Variants in PTBP3 observed in about 807,000 individuals in gnomAD.
The protein encoded by PTBP3 is polypyrimidine tract-binding protein 3.
A neutral mutation model predicts 58.7 loss-of-function variants in PTBP3; 20 were observed. That is an observed-to-expected ratio of 0.34 (90% CI 0.24 to 0.50). PTBP3 has a LOEUF of 0.50. Ranked by LOEUF, PTBP3 falls within the 20% of genes least tolerant of loss-of-function variation. The pLI is 0.98. For synonymous variants in PTBP3, 185 were observed against 219.8 expected, an observed-to-expected ratio of 0.84 and a Z score of 1.40; for missense variants, 509 against 637.2, an observed-to-expected ratio of 0.80 and a Z score of 2.17.
intron 2 of PTBP3, among the ~76,000 whole-genome samples, chr9:112,290,049 T>C (rs1828312254): frequency 6.6e-6 from 1 of 152,118 alleles, no homozygotes. Context: ...ATGGTAGCCA[T>C]TAAGGGAAAA....
intron 2 of PTBP3, among the ~76,000 whole-genome samples, chr9:112,292,549 T>C (rs1191388592): frequency 6.6e-6 from 1 of 152,142 alleles, no homozygotes; most frequent in Non-Finnish European, 1.5e-5. Flanking sequence ...CATGGACAGA[T>C]GAATGGATAA....
the PTBP3 span, among the ~76,000 whole-genome samples, chr9:112,341,201 G>A: frequency 6.6e-6 from 1 of 151,872 alleles, no homozygotes; most frequent in Non-Finnish European, 1.5e-5. Flanking sequence ...GTGTGAGCTC[G>A]GCCCACTGCA....
chr9:112,227,659 A>C, intron 11 of PTBP3, 32 bp from the exon 12 acceptor site: 2 of 1,512,514 alleles, frequency 1.3e-6, no homozygotes, highest in Non-Finnish European at 1.8e-6. Flanking sequence ...TTAAAGTTTG[A>C]GTATTAGGAT....
chr9:112,331,593 G>C (rs1387324455), intron 1 of PTBP3, among the ~76,000 whole-genome samples: 1 of 152,156 alleles, frequency 6.6e-6, no homozygotes, highest in East Asian at 1.9e-4. Context: ...AATGTGATAA[G>C]TAACTGGACG....
intron 3 of PTBP3, among the ~76,000 whole-genome samples, chr9:112,275,378 G>A (rs1489568761): frequency 2.0e-5 from 3 of 151,852 alleles, no homozygotes; most frequent in African/African-American, 4.8e-5. Flanking sequence ...CAGGTGATCC[G>A]CCCACCTCGG....
chr9:112,289,161 G>A (rs1828267698), intron 2 of PTBP3, among the ~76,000 whole-genome samples: 1 of 152,174 alleles, frequency 6.6e-6, no homozygotes, highest in Non-Finnish European at 1.5e-5. Flanking sequence ...GTCTTTATAA[G>A]GAGGGGGTAT....
At chr9:112,280,794 T>G (rs1434597739) in intron 2 of PTBP3, among the ~76,000 whole-genome samples, 3 of 151,996 alleles carry the variant, frequency 2.0e-5, no homozygotes, top group Admixed American at 6.6e-5. Context: ...TGCATATATA[T>G]ATATATAGTG....
chr9:112,353,699 A>C, the PTBP3 span, among the ~76,000 whole-genome samples: 5 of 151,882 alleles, frequency 3.3e-5, no homozygotes, highest in Non-Finnish European at 7.4e-5. Context: ...AATAAATATA[A>C]TATAGATGCT....
intron 2 of PTBP3, among the ~76,000 whole-genome samples, chr9:112,281,677 T>C (rs1403423153): frequency 2.0e-5 from 3 of 152,236 alleles, no homozygotes; most frequent in African/African-American, 7.2e-5. Flanking sequence ...TAAAGCCATA[T>C]GGGACTGTAG....
Position 112,223,725 on chromosome 9 carries a change from A to T in PTBP3, c.*126T>A. 7.3e-7 allele frequency: 1 copy of T among 1,366,660 alleles called. No homozygotes were observed. Among genetic ancestry groups the T allele is most frequent in the South Asian group, 1.7e-5 (1 of 57,270 alleles). The allele number at this position is 1,366,660 out of a possible 1,614,324, so 84.7% of individuals were successfully genotyped here. On this transcript the variant is annotated 3_prime_UTR_variant, in exon 14 of 14. Coordinates refer to ENST00000374257, the MANE Select transcript of PTBP3 (RefSeq NM_001163788.4). ...AAAAATCCCTTGATTTTTAAAATAT[A>T]CTTGAATATCAAACTCAGAGTTATT...
At chr9:112,237,281 G>T (rs1174460794) in intron 7 of PTBP3, among the ~76,000 whole-genome samples, 1 of 152,140 alleles carries the variant, frequency 6.6e-6, no homozygotes, top group Non-Finnish European at 1.5e-5. Flanking sequence ...ACATCATATA[G>T]CAAAGTAACC....
At chr9:112,250,033 A>G (rs1423840983) in intron 7 of PTBP3, among the ~76,000 whole-genome samples, 1 of 152,124 alleles carries the variant, frequency 6.6e-6, no homozygotes, top group Non-Finnish European at 1.5e-5. Flanking sequence ...TAAAAATAAT[A>G]AAAAAGCTTT....
rs1374371011 is a variant in PTBP3 at position 112,227,450 on chromosome 9, A to G, written c.1325T>C (p.Ile442Thr). ...KKPGSKNFQN[I>T]FPPSATLHLS... ...ATGCAGAGTGGCTGATGGTGGAAAG[A>G]TATTCTGGAAGTTTTTAGAGCCCGG... is the stretch of plus-strand genomic sequence containing the variant. Residue 442 changes from isoleucine to threonine, a missense_variant, in exon 12 of 14, where the codon ATC (isoleucine) becomes ACC (threonine). Coordinates refer to ENST00000374257, the MANE Select transcript of PTBP3 (RefSeq NM_001163788.4). The G allele has an allele frequency of 6.2e-7, 1 of 1,613,888 alleles. No individual in the cohort carries two copies. The highest frequency in any genetic ancestry group is 1.3e-5 in the African/African-American group (1 of 74,910).
At chr9:112,311,599 T>C (rs184410256) in intron 1 of PTBP3, among the ~76,000 whole-genome samples, 27 of 152,214 alleles carry the variant, frequency 1.8e-4, no homozygotes, top group Non-Finnish European at 3.7e-4. Flanking sequence ...ACTGGAGAAC[T>C]TGAGTATGCA....
chr9:112,331,645 T>C (rs1433504909), intron 1 of PTBP3, among the ~76,000 whole-genome samples: 3 of 152,258 alleles, frequency 2.0e-5, no homozygotes, highest in Non-Finnish European at 4.4e-5. Context: ...CTATGGTTAT[T>C]GGTTCTGATA....
the PTBP3 span, among the ~76,000 whole-genome samples, chr9:112,355,993 T>C: frequency 6.6e-6 from 1 of 151,448 alleles, no homozygotes; most frequent in Admixed American, 6.6e-5. Context: ...TCTTTCTTTC[T>C]CTTTCTTTTC....
At chr9:112,264,783 G>A (rs1836731969) in intron 4 of PTBP3, among the ~76,000 whole-genome samples, 1 of 152,126 alleles carries the variant, frequency 6.6e-6, no homozygotes, top group Non-Finnish European at 1.5e-5. Context: ...GAATAAACTA[G>A]GTCATTTAGG....
chr9:112,224,108 G>A, intron 13 of PTBP3, 25 bp downstream of exon 13: 1 of 1,557,694 alleles, frequency 6.4e-7, no homozygotes, highest in Non-Finnish European at 8.8e-7. Context: ...TAATTTTAAT[G>A]TATTTCTTGA....
chr9:112,307,714 T>C (rs2132366487), intron 1 of PTBP3, among the ~76,000 whole-genome samples: 1 of 152,348 alleles, frequency 6.6e-6, no homozygotes, highest in East Asian at 1.9e-4. Flanking sequence ...AGAACTCACT[T>C]TCAAATTACA....
Sources: gnomAD v4.1 joint callset for allele counts (sites outside exome capture counted in the v4.1 genomes callset) on GRCh38, gnomAD v4.1.1 for gene constraint, MANE v1.5 for transcripts, NCBI Gene and HGNC (gene_info 2026-07-23, HGNC 2026-07-21) for gene names.